SIGLEC7: variants seen among roughly 807,000 people sequenced by gnomAD.
SIGLEC7 encodes the protein sialic acid-binding Ig-like lectin 7.
Under a neutral mutation model 40.8 loss-of-function variants are expected in SIGLEC7, and 33 were observed. The ratio of observed to expected loss-of-function variants is 0.81; its 90% CI spans 0.61 to 1.08. The LOEUF (loss-of-function observed/expected upper bound fraction) is 1.08, where lower values mean the gene tolerates loss of function less well. Ranked by LOEUF, SIGLEC7 falls within the 50% of genes least tolerant of loss-of-function variation. SIGLEC7 has a pLI of 0.00. For missense variants in SIGLEC7, 513 were observed against 576.1 expected, an observed-to-expected ratio of 0.89 and a Z score of 1.12; for synonymous variants, 242 against 237.6, an observed-to-expected ratio of 1.02 and a Z score of -0.17.
chr19:51,149,113 G>A (rs777254102), intron 6 of SIGLEC7, among the ~76,000 whole-genome samples: 1 of 152,144 alleles, frequency 6.6e-6, no homozygotes, highest in Non-Finnish European at 1.5e-5. Context: ...CATTCCGGTT[G>A]TTTACTCTGT....
Position 51,145,048 on chromosome 19 carries a change from G to A in SIGLEC7, c.760+89G>A, listed in dbSNP as rs1458261024. The A allele has an allele frequency of 1.1e-5, 14 of 1,287,272 alleles. No homozygotes were observed. Among genetic ancestry groups the A allele is most frequent in the Non-Finnish European group, 1.5e-5 (13 of 885,668 alleles). The allele number at this position is 1,287,272 out of a possible 1,614,324, so 79.7% of individuals were successfully genotyped here. A position where few individuals can be genotyped will look rare whatever the true frequency, so the allele number is the denominator to read the frequency against. ...TCCCTCCTCATCCTGGACTCACCCT[G>A]GTGATATGAGACTCCCTTGTAGTTG... On this transcript the variant is annotated intron_variant, in intron 3 of 6. Transcript: ENST00000317643. The surrounding 1 kb of genome is among the most constrained non-coding windows in gnomAD (Gnocchi z 4.3).
rs1040412796 is a variant in SIGLEC7 at position 51,147,113 on chromosome 19, C to T, written c.1125-108C>T. 6.5e-6 allele frequency: 10 copies of T among 1,528,646 alleles called. No individual in the cohort carries two copies. The South Asian group carries it at 1.2e-4, about 18-fold the overall frequency. The allele number at this position is 1,528,646 out of a possible 1,614,324, so 94.7% of individuals were successfully genotyped here. On this transcript the variant is annotated intron_variant, in intron 5 of 6. Coordinates refer to ENST00000317643, the MANE Select transcript of SIGLEC7 (RefSeq NM_014385.4). ...CTGGGACTGGACCACCCTCCTCCCA[C>T]CTCAGTTACCCCTCCAGCGCCCCAA...
rs754999412 is a variant in SIGLEC7, at chr19:51,147,287, T to C, written c.1191T>C (p.Asp397=). ...AADVGDIGMK[D]ANTIRGSASQ... is the part of the protein sequence containing the mutation. ...ACGTGGGAGACATAGGCATGAAGGA[T>C]GCAAACACCATCAGGGGCTCAGCCT... Residue 397 remains aspartate (D), a synonymous_variant, in exon 6 of 7, where the codon GAT becomes GAC. Coordinates refer to ENST00000317643, the MANE Select transcript of SIGLEC7 (RefSeq NM_014385.4). The C allele has an allele frequency of 3.1e-6, 5 of 1,611,810 alleles. No individual in the cohort carries two copies. Among genetic ancestry groups the C allele is most frequent in the Non-Finnish European group, 3.4e-6 (4 of 1,178,644 alleles).
chr19:51,153,048 T>C lies in SIGLEC7; in HGVS notation c.1222-15T>C. The C allele has an allele frequency of 6.6e-7, 1 of 1,523,458 alleles. No individual in the cohort carries two copies. Among genetic ancestry groups the C allele is most frequent in the Non-Finnish European group, 8.8e-7 (1 of 1,134,512 alleles). The allele number at this position is 1,523,458 out of a possible 1,614,324, so 94.4% of individuals were successfully genotyped here. A position where few individuals can be genotyped will look rare whatever the true frequency, so the allele number is the denominator to read the frequency against. On this transcript the variant is annotated splice_polypyrimidine_tract_variant and intron_variant, in intron 6 of 6. Coordinates refer to ENST00000317643, the MANE Select transcript of SIGLEC7 (RefSeq NM_014385.4). ...CCACTGCTCTGCTCTGACTCTCTTC[T>C]CTCTCTCCATTCAGGGTAACCTGAC...
chr19:51,146,974 G>A (rs1007947858), intron 5 of SIGLEC7, 124 bp downstream of exon 5: 17 of 1,077,224 alleles, frequency 1.6e-5, no homozygotes, highest in African/African-American at 3.2e-5. Flanking sequence ...ATGAGCTCAC[G>A]GGTGCGTGGC....
chr19:51,146,872 G>T lies in SIGLEC7; in HGVS notation c.1124+22G>T, dbSNP rs148635831. On this transcript the variant is annotated intron_variant, in intron 5 of 6. Coordinates refer to ENST00000317643, the MANE Select transcript of SIGLEC7 (RefSeq NM_014385.4). ...TTGTGTGAGCACTGACCCTAGGGAG[G>T]GAGGGAGAGTCCTGGGGGAGGGCGG... 3.5e-4 allele frequency: 567 copies of T among 1,606,362 alleles called. 3 individuals are homozygous for T. The East Asian group carries it at 9.8e-3, about 28-fold the overall frequency.
intron 6 of SIGLEC7, among the ~76,000 whole-genome samples, chr19:51,152,420 G>A (rs1271647504): frequency 6.6e-6 from 1 of 152,138 alleles, no homozygotes; most frequent in Non-Finnish European, 1.5e-5. Flanking sequence ...ACATTTTGGG[G>A]AGCAGTTATA....
At chr19:51,144,373 T>C (rs771731471) in intron 1 of SIGLEC7, 33 bp from the exon 2 acceptor site, 1 of 1,576,582 alleles carries the variant, frequency 6.3e-7, no homozygotes, top group Non-Finnish European at 8.6e-7. Flanking sequence ...ATGGATCCTC[T>C]GTCCTGATCC....
At position 51,153,438 on chromosome 19, in the gene SIGLEC7, C is replaced by T; in HGVS notation, c.*193C>T. 7 of 406,654 alleles carry T rather than the reference C, an allele frequency of 1.7e-5. No individual in the cohort carries two copies. In the South Asian group the frequency reaches 4.8e-4, roughly 28 times the overall value. The allele number at this position is 406,654 out of a possible 1,614,324, so 25.2% of individuals were successfully genotyped here. Reference sequence around the variant, plus strand: ...TCCCCATCCAATCGGTCCACACTCCCCGCCCTGGCCTCTGGTACCCACCAT... The same window carrying T: ...TCCCCATCCAATCGGTCCACACTCCTCGCCCTGGCCTCTGGTACCCACCAT... On this transcript the variant is annotated 3_prime_UTR_variant, in exon 7 of 7. Coordinates refer to ENST00000317643, the MANE Select transcript of SIGLEC7 (RefSeq NM_014385.4).
Position 51,145,824 on chromosome 19 carries a change from T to C in SIGLEC7, c.761-31T>C, listed in dbSNP as rs1033335118. ...CTTCCTCCCTGTTTCAATCACTTTG[T>C]CTCTTTGAACCTCCAACTTTTTCTC... On this transcript the variant is annotated intron_variant, in intron 3 of 6. Transcript: ENST00000317643. This position sits in a 1 kb window ranked among gnomAD's most constrained non-coding sequence, Gnocchi z 4.3. The C allele has an allele frequency of 6.2e-7, 1 of 1,612,724 alleles. No homozygotes were observed. Among genetic ancestry groups the C allele is most frequent in the Non-Finnish European group, 8.5e-7 (1 of 1,179,290 alleles).
At chr19:51,148,432 T>C (rs550753001) in intron 6 of SIGLEC7, among the ~76,000 whole-genome samples, 2 of 152,210 alleles carry the variant, frequency 1.3e-5, no homozygotes, top group East Asian at 3.9e-4. Context: ...AGTGAGAACA[T>C]GCAGTATTTG....
chr19:51,143,887 G>A, intron 1 of SIGLEC7: 1 of 457,022 alleles, frequency 2.2e-6, no homozygotes, highest in Non-Finnish European at 4.4e-6. Context: ...TGGTGCAGGA[G>A]GGCTAGTGCG....
Position 51,153,197 on chromosome 19 carries a change from A to T in SIGLEC7, c.1356A>T (p.Gly452=), listed in dbSNP as rs273662. The T allele has an allele frequency of 0.9, 1,443,914 of 1,602,764 alleles. 658,756 individuals are homozygous for T. Among genetic ancestry groups the T allele is most frequent in the Non-Finnish European group, 0.94 (1,105,671 of 1,174,818 alleles). Residue 452 remains glycine (G), a synonymous_variant, in exon 7 of 7, where the codon GGA becomes GGT. Coordinates refer to ENST00000317643, the MANE Select transcript of SIGLEC7 (RefSeq NM_014385.4). ...FHKGEPQDLS[G]QEATNNEYSE... ...AGGGGGAGCCTCAGGACCTATCAGG[A>T]CAAGAAGCCACCAACAATGAGTACT...
At position 51,153,173 on chromosome 19, in the gene SIGLEC7, G is replaced by A. The variant is rs201414205; in HGVS notation, c.1332G>A (p.Lys444=). The A allele has an allele frequency of 1.6e-5, 26 of 1,609,608 alleles. No homozygotes were observed. The highest frequency in any genetic ancestry group is 1.6e-4 in the Middle Eastern group (1 of 6,076). Residue 444 remains lysine, a synonymous_variant, in exon 7 of 7, where the codon AAG becomes AAA. Coordinates refer to ENST00000317643, the MANE Select transcript of SIGLEC7 (RefSeq NM_014385.4). ...EIQYAPLSFH[K]GEPQDLSGQE... is the part of the protein sequence containing the mutation. The stretch of plus-strand genomic sequence containing the variant: ...AGTATGCACCCCTCAGCTTTCATAA[G>A]GGGGAGCCTCAGGACCTATCAGGAC...
chr19:51,149,067 C>T lies in SIGLEC7; in HGVS notation c.1221+1750C>T, dbSNP rs148950311. Among the ~76,000 whole-genome samples, 89 of 152,318 alleles carry T rather than the reference C, an allele frequency of 5.8e-4. 1 individual carries two copies. The highest frequency in any genetic ancestry group is 2.1e-3 in the African/African-American group (86 of 41,568). ...TTCCTTATAGATGCTGGATATTAGA[C>T]CTTTGCCTAATGCATAGTTTGCAAG... On this transcript the variant is annotated intron_variant, in intron 6 of 6. Coordinates refer to ENST00000317643, the MANE Select transcript of SIGLEC7 (RefSeq NM_014385.4).
chr19:51,142,859 C>T lies in SIGLEC7; in HGVS notation c.433+57C>T, dbSNP rs976657146. ...CAAATGTGATGAGGGCTTTAGGGCA[C>T]GGCTGAGACGGGACACATGTCCTGG... On this transcript the variant is annotated intron_variant, in intron 1 of 6. Coordinates refer to ENST00000317643, the MANE Select transcript of SIGLEC7 (RefSeq NM_014385.4). The surrounding 1 kb of genome is among the most constrained non-coding windows in gnomAD (Gnocchi z 5.0). 2.9e-5 allele frequency: 44 copies of T among 1,501,704 alleles called. No individual in the cohort carries two copies. The highest frequency in any genetic ancestry group is 1.8e-4 in the Middle Eastern group (1 of 5,624). 93.0% of individuals were successfully genotyped at this position (1,501,704 alleles called of 1,614,324 possible).
intron 6 of SIGLEC7, among the ~76,000 whole-genome samples, chr19:51,151,556 C>T (rs748662808): frequency 2.6e-5 from 4 of 152,108 alleles, no homozygotes; most frequent in South Asian, 2.1e-4. Context: ...GAAAAGAACC[C>T]GGGGCTGCTC....
At chr19:51,146,695 A>T in intron 4 of SIGLEC7, 59 bp from the exon 5 acceptor site, 1 of 1,466,604 alleles carries the variant, frequency 6.8e-7, no homozygotes. Flanking sequence ...AGGAAGTGGG[A>T]GGAGAAGAGA....
intron 6 of SIGLEC7, among the ~76,000 whole-genome samples, chr19:51,148,764 A>T (rs547186550): frequency 2.0e-5 from 3 of 152,198 alleles, no homozygotes; most frequent in African/African-American, 7.2e-5. Flanking sequence ...AAATTACCAT[A>T]CTGCTTTCCA....
Sources: allele counts gnomAD v4.1 joint callset (sites outside exome capture counted in the v4.1 genomes callset), GRCh38; gene constraint gnomAD v4.1.1; non-coding constraint Gnocchi (gnomAD v3.1); transcripts MANE v1.5; gene names NCBI Gene and HGNC (gene_info 2026-07-23, HGNC 2026-07-21).